The following PIP5K1A variants were observed in gnomAD, a reference collection of about 807,000 sequenced individuals.
The protein encoded by PIP5K1A is phosphatidylinositol 4-phosphate 5-kinase type-1 alpha.
PIP5K1A carries 46 observed loss-of-function variants against 72.9 expected under a neutral mutation model. The observed-to-expected ratio is 0.63, with a 90% CI of 0.50 to 0.81. The LOEUF (loss-of-function observed/expected upper bound fraction) is 0.81. PIP5K1A is among the 30% of genes least tolerant of loss of function. PIP5K1A has a pLI of 0.00. For synonymous variants in PIP5K1A, 228 were observed against 255.1 expected, an observed-to-expected ratio of 0.89 and a Z score of 1.01; for missense variants, 458 against 706.1, an observed-to-expected ratio of 0.65 and a Z score of 3.98.
chr1:151,239,843 A>T (rs1691433813), intron 11 of PIP5K1A, 112 bp from the exon 12 acceptor site: 2 of 751,422 alleles, frequency 2.7e-6, no homozygotes, highest in Non-Finnish European at 4.6e-6. Flanking sequence ...CGTTTATTTC[A>T]TCTGTAGGTT....
chr1:151,234,213 C>T lies in PIP5K1A; in HGVS notation c.656C>T (p.Pro219Leu). The T allele has an allele frequency of 1.9e-6, 3 of 1,603,622 alleles. No individual in the cohort carries two copies. Among genetic ancestry groups the T allele is most frequent in the Non-Finnish European group, 2.6e-6 (3 of 1,172,394 alleles). ...PGYYMNLNQN[P>L]RTLLPKFYGL... Reference sequence around the variant, plus strand: ...TGTTCTCAGAACCTCAACCAGAACCCTCGGACTTTGCTGCCTAAATTCTAT... The same window carrying T: ...TGTTCTCAGAACCTCAACCAGAACCTTCGGACTTTGCTGCCTAAATTCTAT... Residue 219 changes from proline (P) to leucine (L), a missense_variant, in exon 8 of 16, where the codon CCT becomes CTT. Coordinates refer to ENST00000368888, the MANE Select transcript of PIP5K1A (RefSeq NM_001135638.2).
intron 4 of PIP5K1A, among the ~76,000 whole-genome samples, chr1:151,230,216 A>G (rs1279518183): frequency 6.6e-6 from 1 of 152,268 alleles, no homozygotes. Context: ...AAGTTTCTGC[A>G]GTGATTGAAA....
chr1:151,228,323 AAATT>A (rs1404618771), intron 4 of PIP5K1A, among the ~76,000 whole-genome samples: 11 of 151,944 alleles, frequency 7.2e-5, no homozygotes, highest in African/African-American at 2.7e-4. Context: ...GGATAATAAT[AAATT>A]AGTTTTATGA....
At chr1:151,208,361 C>CTTT (rs11340275) in intron 1 of PIP5K1A, among the ~76,000 whole-genome samples, 4 of 125,988 alleles carry the variant, frequency 3.2e-5, no homozygotes, top group Admixed American at 1.6e-4. Context: ...GTTTTCTTTT[C>CTTT]TTTTTTTTTT....
chr1:151,238,436 T>C (rs963327671), intron 10 of PIP5K1A, 171 bp downstream of exon 10: 1 of 589,298 alleles, frequency 1.7e-6, no homozygotes, highest in Non-Finnish European at 3.1e-6. Context: ...ATTTTGCCTC[T>C]TTCCCCGGCC....
In PIP5K1A at chr1:151,242,543, A is replaced by G. The variant is rs757804334; in HGVS notation, c.1616A>G (p.Glu539Gly). ...PDPSFSPLVGETLQMLTTSTT... is the reference protein window; with the variant it reads ...PDPSFSPLVGGTLQMLTTSTT... ...CCCAGTTTCTCACCTCTAGTTGGAG[A>G]GACTTTGCAAATGCTAACTACAAGG... Residue 539 changes from glutamate (E) to glycine (G), a missense_variant, in exon 14 of 16, where the codon GAG (glutamate) becomes GGG (glycine). This residue lies in a region of PIP5K1A where 157 missense variants were observed against 175.5 expected (regional missense o/e 0.89). Coordinates refer to ENST00000368888, the MANE Select transcript of PIP5K1A (RefSeq NM_001135638.2). The G allele has an allele frequency of 6.2e-7, 1 of 1,613,802 alleles. No homozygotes were observed. Among genetic ancestry groups the G allele is most frequent in the African/African-American group, 1.3e-5 (1 of 74,874 alleles).
At chr1:151,223,348 C>CAA (rs1234599998) in intron 1 of PIP5K1A, among the ~76,000 whole-genome samples, 51 of 63,422 alleles carry the variant, frequency 8.0e-4, no homozygotes, top group African/African-American at 2.9e-3. Context: ...AACTCCGTCT[C>CAA]AAAAAAAAAA....
At position 151,231,757 on chromosome 1, in the gene PIP5K1A, C is replaced by T. The variant is rs753396574; in HGVS notation, c.324C>T (p.Val108=). The T allele has an allele frequency of 1.9e-6, 3 of 1,613,748 alleles. No homozygotes were observed. The Admixed American group carries it at 5.0e-5, about 27-fold the overall frequency. Reference sequence around the variant, plus strand: ...TGAGTACCAAACCAGAGCGTGATGTCCTCATGCAAGATTTCTACGTGGTTG... The same window carrying T: ...TGAGTACCAAACCAGAGCGTGATGTTCTCATGCAAGATTTCTACGTGGTTG... ...GSLSTKPERD[V]LMQDFYVVES... The change falls in exon 5 of 16, where the codon GTC becomes GTT. Residue 108 remains valine, a synonymous_variant. Coordinates refer to ENST00000368888, the MANE Select transcript of PIP5K1A (RefSeq NM_001135638.2).
chr1:151,225,466 CCTT>C (rs970671496), intron 3 of PIP5K1A, among the ~76,000 whole-genome samples: 6 of 111,930 alleles, frequency 5.4e-5, no homozygotes, highest in African/African-American at 2.1e-4. Context: ...TTTACTCCTC[CCTT>C]CTTGCCTTTT....
chr1:151,247,465 A>G (rs1692673787), intron 15 of PIP5K1A, among the ~76,000 whole-genome samples: 1 of 147,924 alleles, frequency 6.8e-6, no homozygotes, highest in African/African-American at 2.5e-5. Flanking sequence ...TTGCTCTGTC[A>G]CCCAGGCTGG....
intron 1 of PIP5K1A, 46 bp downstream of exon 1, chr1:151,199,127 A>G (rs199589099): frequency 2.1e-5 from 34 of 1,613,190 alleles, no homozygotes; most frequent in Admixed American, 1.5e-4. Context: ...GGAATATGCG[A>G]TGGGAGGAAG....
chr1:151,246,677 C>T (rs1474339191), intron 14 of PIP5K1A, among the ~76,000 whole-genome samples: 1 of 152,060 alleles, frequency 6.6e-6, no homozygotes, highest in Non-Finnish European at 1.5e-5. Context: ...ACCTACGACA[C>T]CTGGAGATTG....
chr1:151,224,932 CA>C (rs1688888846), intron 3 of PIP5K1A, among the ~76,000 whole-genome samples: 2 of 152,124 alleles, frequency 1.3e-5, no homozygotes, highest in African/African-American at 4.8e-5. Context: ...CCTGGGACTT[CA>C]AACTTTCTCT....
At chr1:151,214,360 CTGTTTTTT>C (rs963134154) in intron 1 of PIP5K1A, among the ~76,000 whole-genome samples, 8 of 151,560 alleles carry the variant, frequency 5.3e-5, no homozygotes, top group Admixed American at 1.3e-4. Flanking sequence ...TTGTTTTTTT[CTGTTTTTT>C]TGTTTTTGTT....
chr1:151,239,748 G>A (rs1162229596), intron 11 of PIP5K1A, among the ~76,000 whole-genome samples: 1 of 151,956 alleles, frequency 6.6e-6, no homozygotes, highest in Non-Finnish European at 1.5e-5. Context: ...GGCTGGTGTC[G>A]AACTCCTGAC....
intron 1 of PIP5K1A, among the ~76,000 whole-genome samples, chr1:151,218,405 A>AG (rs1321020852): frequency 2.6e-5 from 4 of 152,144 alleles, no homozygotes; most frequent in African/African-American, 9.7e-5. Flanking sequence ...TCAAGGAAAA[A>AG]GGGGGTACCT....
chr1:151,202,777 C>CT (rs376494252), intron 1 of PIP5K1A, among the ~76,000 whole-genome samples: 1,654 of 129,164 alleles, frequency 0.013, 13 homozygotes, highest in African/African-American at 0.026. Flanking sequence ...CCAGTAAAGT[C>CT]TTTTTTTTTT....
chr1:151,227,343 C>T lies in PIP5K1A; in HGVS notation c.180C>T (p.Pro60=), dbSNP rs774324047. ...ISLVPYASGM[P]IKKIGHRSVD... ...AGGTGCCTTATGCCTCTGGCATGCC[C>T]ATCAAGAAAATAGGCCATAGAAGTG... is the stretch of plus-strand genomic sequence containing the variant. Residue 60 remains proline (P), a synonymous_variant, in exon 4 of 16, where the codon CCC becomes CCT. Transcript: ENST00000368888. The T allele has an allele frequency of 3.1e-6, 5 of 1,611,882 alleles. No homozygotes were observed. Among genetic ancestry groups the T allele is most frequent in the South Asian group, 1.1e-5 (1 of 91,014 alleles).
At position 151,238,995 on chromosome 1, in the gene PIP5K1A, G is replaced by A. The variant is rs925985751; in HGVS notation, c.1230-135G>A. ...CATGCCTGTTCTTGGGAAAACCAGTGTACCAGTAGATGTGCTTTCTCAGCT... is the reference window on the plus strand; with the variant it reads ...CATGCCTGTTCTTGGGAAAACCAGTATACCAGTAGATGTGCTTTCTCAGCT... On this transcript the variant is annotated intron_variant, in intron 10 of 15. Coordinates refer to ENST00000368888, the MANE Select transcript of PIP5K1A (RefSeq NM_001135638.2). The A allele has an allele frequency of 1.0e-4, 65 of 634,652 alleles. 1 individual carries two copies. The African/African-American group carries it at 1.1e-3, about 11-fold the overall frequency. 39.3% of individuals were successfully genotyped at this position (634,652 alleles called of 1,614,324 possible). A position where few individuals can be genotyped will look rare whatever the true frequency, so the allele number is the denominator to read the frequency against.
Sources: allele counts gnomAD v4.1 joint callset (sites outside exome capture counted in the v4.1 genomes callset), GRCh38; gene constraint gnomAD v4.1.1; regional missense constraint gnomAD v4.1.1; transcripts MANE v1.5; gene names NCBI Gene and HGNC (gene_info 2026-07-23, HGNC 2026-07-21).